Variants in UCP2 observed in about 807,000 individuals in gnomAD.
UCP2 encodes uncoupling protein 2, also known as dicarboxylate carrier SLC25A8.
A neutral mutation model predicts 31.3 loss-of-function variants in UCP2; 27 were observed. The ratio of observed to expected loss-of-function variants is 0.86; its 90% CI spans 0.64 to 1.19. The LOEUF (loss-of-function observed/expected upper bound fraction) is 1.19, where lower values mean the gene tolerates loss of function less well. Among genes scored for constraint, UCP2 ranks in the 50% most tolerant of loss-of-function variants. The probability of loss-of-function intolerance (pLI) is 0.00; values close to 1 mark genes in which losing one functional copy is unlikely to be tolerated. For synonymous variants in UCP2, 142 were observed against 157.4 expected (o/e 0.90, Z 0.73); for missense variants, 377 against 413.5 (o/e 0.91, Z 0.76).
chr11:73,977,488 T>A (rs1232669327), intron 4 of UCP2, among the ~76,000 whole-genome samples: 1 of 152,160 alleles, frequency 6.6e-6, no homozygotes, highest in Non-Finnish European at 1.5e-5. Context: ...AGGGTTGGCA[T>A]GGCATACTAA....
At chr11:73,982,540 A>T (rs548596996) in intron 1 of UCP2, among the ~76,000 whole-genome samples, 181 bp downstream of exon 1, 1 of 152,374 alleles carries the variant, frequency 6.6e-6, no homozygotes, top group Non-Finnish European at 1.5e-5. Context: ...GCGCCACTGC[A>T]CTCCAGCCTG....
chr11:73,976,925 A>T lies in UCP2; in HGVS notation c.430T>A (p.Phe144Ile), dbSNP rs756591335. ...CCTCCAGCCCGGGCCTGAGCTTGGA[A>T]TCGGACCTTTACCACATCCGTGGGC... ...AQPTDVVKVR[F>I]QAQARAGGGR... Residue 144 changes from phenylalanine to isoleucine, a missense_variant, in exon 5 of 8, where the codon TTC becomes ATC. By Grantham distance (21) the Phe-to-Ile change is conservative. Coordinates refer to ENST00000663595, the MANE Select transcript of UCP2 (RefSeq NM_003355.3). 6.2e-7 allele frequency: 1 copy of T among 1,613,656 alleles called. No individual in the cohort carries two copies. The highest frequency in any genetic ancestry group is 8.5e-7 in the Non-Finnish European group (1 of 1,179,592).
chr11:73,975,507 G>A lies in UCP2; in HGVS notation c.799C>T (p.Arg267Ter), dbSNP rs748009040. Residue 267 changes from arginine to a stop codon, truncating the protein, a stop_gained, in exon 7 of 8, where the codon CGA becomes TGA. Transcript: ENST00000663595. LOFTEE classifies it high-confidence loss of function. ...ALTMLQKEGP[R>*]AFYKGFMPSF... is the part of the protein sequence containing the mutation. ...GAGGCTCACCCTTTGTAGAAGGCTC[G>A]GGGCCCCTCCTTCTGGAGCATGGTA... 4.2e-5 allele frequency: 68 copies of A among 1,610,956 alleles called. No homozygotes were observed. The highest frequency in any genetic ancestry group is 2.7e-4 in the East Asian group (12 of 44,820).
Position 73,978,043 on chromosome 11 carries a change from G to A in UCP2, c.180C>T (p.Arg60=), listed in dbSNP as rs762860874. 6.3e-5 allele frequency: 102 copies of A among 1,614,060 alleles called. No individual in the cohort carries two copies. The highest frequency in any genetic ancestry group is 1.2e-4 in the Admixed American group (7 of 60,008). ...TGGTCAGAATGGTGCCCATCACACCGCGGTACTGGGCGCTGGCTGTAGCGC... is the reference window on the plus strand; with the variant it reads ...TGGTCAGAATGGTGCCCATCACACCACGGTACTGGGCGCTGGCTGTAGCGC... ...PVRATASAQY[R]GVMGTILTMV... The change falls in exon 4 of 8, where the codon CGC becomes CGT. Residue 60 remains arginine (R), a synonymous_variant. Transcript: ENST00000663595.
chr11:73,975,787 C>A, intron 6 of UCP2, 116 bp from the exon 7 acceptor site: 3 of 1,279,222 alleles, frequency 2.3e-6, no homozygotes. Flanking sequence ...AGAGGCTGGG[C>A]ACAATGTCTC....
chr11:73,974,899 A>G lies in UCP2; in HGVS notation c.*108T>C, dbSNP rs1444938845. The stretch of plus-strand genomic sequence containing the variant: ...AAGGAGCGGAAGGAAGAGGTGGGGA[A>G]AGAGGGAAGGAGAGAAGGGAAGGAG... On this transcript the variant is annotated 3_prime_UTR_variant, in exon 8 of 8. Transcript: ENST00000663595. 2.1e-6 allele frequency: 2 copies of G among 947,866 alleles called. No individual in the cohort carries two copies. Among genetic ancestry groups the G allele is most frequent in the Non-Finnish European group, 1.7e-6 (1 of 599,096 alleles). 58.7% of individuals were successfully genotyped at this position (947,866 alleles called of 1,614,324 possible).
chr11:73,978,426 C>T lies in UCP2; in HGVS notation c.-48G>A, dbSNP rs950335132. The T allele has an allele frequency of 6.8e-6, 11 of 1,612,890 alleles. No individual in the cohort carries two copies. The highest frequency in any genetic ancestry group is 9.3e-6 in the Non-Finnish European group (11 of 1,179,684). ...CCAGGAGATGGAGAAAAACTGGAGACAGGGGCACCTTTAATCAGCAACAAG... is the reference window on the plus strand; with the variant it reads ...CCAGGAGATGGAGAAAAACTGGAGATAGGGGCACCTTTAATCAGCAACAAG... On this transcript the variant is annotated 5_prime_UTR_variant, in exon 3 of 8. Transcript: ENST00000663595.
rs770466402 is a variant in UCP2 at position 73,979,167 on chromosome 11, AT to A, written c.-99-691del. On this transcript the variant is annotated intron_variant, in intron 2 of 7. Transcript: ENST00000663595. ...TGGATGGGCAGATGATTCAAGCTGCATTTGGGGCTTACAGGACATACTCTCA... is the reference window on the plus strand; with the variant it reads ...TGGATGGGCAGATGATTCAAGCTGCATTGGGGCTTACAGGACATACTCTCA... 6.8e-4 allele frequency among the ~76,000 whole-genome samples: 104 copies of A among 152,344 alleles called. 2 individuals carry two copies. The highest frequency in any genetic ancestry group is 4.7e-4 in the Non-Finnish European group (32 of 68,034).
Position 73,978,004 on chromosome 11 carries a change from C to T in UCP2, c.219G>A (p.Glu73=). The change falls in exon 4 of 8, where the codon GAG becomes GAA. Residue 73 remains glutamate, a synonymous_variant. Transcript: ENST00000663595. ...MGTILTMVRT[E]GPRSLYNGLV... is the part of the protein sequence containing the mutation. ...GCCCATTGTAGAGGCTTCGGGGGCC[C>T]TCAGTACGCACCATGGTCAGAATGG... 6.2e-7 allele frequency: 1 copy of T among 1,614,212 alleles called. No homozygotes were observed. The highest frequency in any genetic ancestry group is 2.2e-5 in the East Asian group (1 of 44,888).
rs776797504 is a variant in UCP2 at position 73,975,095 on chromosome 11, C to T, written c.842G>A (p.Gly281Asp). The change falls in exon 8 of 8, where the codon GGT becomes GAT. Residue 281 changes from glycine (G) to aspartate (D), a missense_variant. Coordinates refer to ENST00000663595, the MANE Select transcript of UCP2 (RefSeq NM_003355.3). ...KGFMPSFLRL[G>D]SWNVVMFVTY... ...GACGAACATCACCACGTTCCAGGAA[C>T]CCAAGCGGAGAAAGGAGGGCATGAA... is the stretch of plus-strand genomic sequence containing the variant. 6.2e-7 allele frequency: 1 copy of T among 1,613,456 alleles called. No individual in the cohort carries two copies. The highest frequency in any genetic ancestry group is 8.5e-7 in the Non-Finnish European group (1 of 1,179,786).
chr11:73,975,739 T>C, intron 6 of UCP2, 68 bp from the exon 7 acceptor site: 1 of 1,577,212 alleles, frequency 6.3e-7, no homozygotes, highest in Admixed American at 1.7e-5. Context: ...GGAGAATTAC[T>C]TAAGTAGCTA....
At chr11:73,977,830 T>A in intron 4 of UCP2, 56 bp downstream of exon 4, 1 of 1,609,060 alleles carries the variant, frequency 6.2e-7, no homozygotes. Flanking sequence ...TGAACTAAGA[T>A]CAATCATCAC....
chr11:73,978,486 AGAG>A lies in UCP2; in HGVS notation c.-99-12_-99-10del. The A allele has an allele frequency of 6.6e-7, 1 of 1,510,106 alleles. No individual in the cohort carries two copies. Among genetic ancestry groups the A allele is most frequent in the Admixed American group, 1.9e-5 (1 of 52,970 alleles). 93.5% of individuals were successfully genotyped at this position (1,510,106 alleles called of 1,614,324 possible). ...AGGAACTCTGCCGGAATCTAAGCCA[AGAG>A]GAGAAAAGCCCCATTAGCCACAATG... is the stretch of plus-strand genomic sequence containing the variant. On this transcript the variant is annotated splice_polypyrimidine_tract_variant and intron_variant, in intron 2 of 7. Coordinates refer to ENST00000663595, the MANE Select transcript of UCP2 (RefSeq NM_003355.3).
intron 2 of UCP2, among the ~76,000 whole-genome samples, chr11:73,979,593 G>C (rs1951418579): frequency 6.6e-6 from 1 of 152,144 alleles, no homozygotes; most frequent in South Asian, 2.1e-4. Flanking sequence ...TTGGGAGGCA[G>C]AGGTGGGAGG....
At chr11:73,976,158 A>G (rs1317333157) in intron 6 of UCP2, among the ~76,000 whole-genome samples, 1 of 152,182 alleles carries the variant, frequency 6.6e-6, no homozygotes, top group South Asian at 2.1e-4. Context: ...TGAGGCCAGG[A>G]GTTCGAGACC....
chr11:73,979,341 GT>G (rs1253739826), intron 2 of UCP2, among the ~76,000 whole-genome samples: 1 of 152,364 alleles, frequency 6.6e-6, no homozygotes, highest in African/African-American at 2.4e-5. Context: ...GAGGTCAGGA[GT>G]TTGAGACCAG....
At chr11:73,977,094 C>G (rs190487371) in intron 4 of UCP2, 77 bp from the exon 5 acceptor site, 16 of 1,443,276 alleles carry the variant, frequency 1.1e-5, no homozygotes, top group African/African-American at 1.4e-5. Flanking sequence ...CCAAAACCAC[C>G]CTGTCACTGT....
At position 73,974,968 on chromosome 11, in the gene UCP2, G is replaced by T; in HGVS notation, c.*39C>A. Reference sequence around the variant, plus strand: ...AAAAGGAAAGCATGGCCCGGCTAGAGACAAAGCCAGAGGTGATCAGGTCAG... The same window carrying T: ...AAAAGGAAAGCATGGCCCGGCTAGATACAAAGCCAGAGGTGATCAGGTCAG... On this transcript the variant is annotated 3_prime_UTR_variant, in exon 8 of 8. Transcript: ENST00000663595. 7.5e-7 allele frequency: 1 copy of T among 1,340,996 alleles called. No homozygotes were observed. Among genetic ancestry groups the T allele is most frequent in the Non-Finnish European group, 1.0e-6 (1 of 1,003,436 alleles). 83.1% of individuals were successfully genotyped at this position (1,340,996 alleles called of 1,614,324 possible). A position where few individuals can be genotyped will look rare whatever the true frequency, so the allele number is the denominator to read the frequency against.
intron 4 of UCP2, among the ~76,000 whole-genome samples, chr11:73,977,625 CTCT>C (rs976981291): frequency 2.6e-5 from 4 of 152,018 alleles, no homozygotes; most frequent in African/African-American, 9.7e-5. Flanking sequence ...CCACCTCAGT[CTCT>C]TCTTCTATAA....
Sources: allele counts gnomAD v4.1 joint callset (sites outside exome capture counted in the v4.1 genomes callset), GRCh38; gene constraint gnomAD v4.1.1; transcripts MANE v1.5; gene names NCBI Gene and HGNC (gene_info 2026-07-23, HGNC 2026-07-21).